Variants in PHF20 observed in about 807,000 individuals in gnomAD.
PHF20 encodes the protein glioma-expressed antigen 2.
In PHF20, 23 loss-of-function variants were observed where a neutral mutation model predicts 113.5. That is an observed-to-expected ratio of 0.20 (90% CI 0.15 to 0.29). The LOEUF is 0.29. Ranked by LOEUF, PHF20 falls within the 10% of genes least tolerant of loss-of-function variation. The probability of loss-of-function intolerance (pLI) is 1.00; values close to 1 mark genes in which losing one functional copy is unlikely to be tolerated. For synonymous variants in PHF20, 434 were observed against 457.3 expected, an observed-to-expected ratio of 0.95 and a Z score of 0.65; for missense variants, 943 against 1,219.6, an observed-to-expected ratio of 0.77 and a Z score of 3.38.
intron 16 of PHF20, among the ~76,000 whole-genome samples, chr20:35,940,494 G>A (rs558221913): frequency 5.9e-5 from 9 of 151,858 alleles, no homozygotes; most frequent in Non-Finnish European, 1.2e-4. Flanking sequence ...ATTCGCAGGA[G>A]ATGGAGCTGA....
At chr20:35,832,912 G>A (rs114123020) in intron 2 of PHF20, among the ~76,000 whole-genome samples, 15 of 152,054 alleles carry the variant, frequency 9.9e-5, no homozygotes, top group Admixed American at 2.6e-4. Context: ...TTAGCTGGGC[G>A]TGGTGGTGGG....
chr20:35,891,743 T>C (rs2054866955), intron 9 of PHF20, among the ~76,000 whole-genome samples: 1 of 152,200 alleles, frequency 6.6e-6, no homozygotes, highest in South Asian at 2.1e-4. Context: ...ATTTTTCATG[T>C]CTCTAAATAT....
At chr20:35,819,970 G>T (rs1403293732) in intron 2 of PHF20, among the ~76,000 whole-genome samples, 1 of 151,588 alleles carries the variant, frequency 6.6e-6, no homozygotes, top group Non-Finnish European at 1.5e-5. Flanking sequence ...CTATGAAGGG[G>T]GTACTTTTAT....
At chr20:35,870,772 G>A (rs1243902215) in intron 7 of PHF20, among the ~76,000 whole-genome samples, 183 bp from the exon 8 acceptor site, 1 of 152,098 alleles carries the variant, frequency 6.6e-6, no homozygotes, top group African/African-American at 2.4e-5. Flanking sequence ...TATCCTGGCA[G>A]GGACACTTTT....
intron 2 of PHF20, among the ~76,000 whole-genome samples, chr20:35,828,796 G>A (rs971555811): frequency 2.0e-5 from 3 of 152,152 alleles, no homozygotes; most frequent in African/African-American, 7.2e-5. Flanking sequence ...AAAACATGAG[G>A]ACTGGCACCT....
intron 1 of PHF20, among the ~76,000 whole-genome samples, chr20:35,780,541 TTTTTC>T (rs1359012621): frequency 2.5e-5 from 3 of 118,238 alleles, no homozygotes; most frequent in African/African-American, 9.6e-5. Context: ...TTTTTTCTTT[TTTTTC>T]TTTTCTTTTT....
intron 3 of PHF20, 99 bp from the exon 4 acceptor site, chr20:35,847,251 T>C: frequency 1.4e-6 from 1 of 731,614 alleles, no homozygotes. Context: ...TCACACTTTC[T>C]TATCAATCCC....
In PHF20 at chr20:35,863,128, A is replaced by G. The variant is rs2054246796; in HGVS notation, c.536A>G (p.Asp179Gly). Reference sequence around the variant, plus strand: ...AAAGCAACAGTGAATGTGAAGAAAGACAAAGAAGATAAACCCTTAAAGACA... The same window carrying G: ...AAAGCAACAGTGAATGTGAAGAAAGGCAAAGAAGATAAACCCTTAAAGACA... ...QRKATVNVKK[D>G]KEDKPLKTEK... is the part of the protein sequence containing the mutation. Residue 179 changes from aspartate to glycine, a missense_variant, in exon 6 of 18, where the codon GAC becomes GGC. Physicochemically the swap from Asp to Gly is moderately conservative, Grantham distance 94. This residue lies in a region of PHF20 where 592 missense variants were observed against 787.2 expected (regional missense o/e 0.75). Coordinates refer to ENST00000374012, the MANE Select transcript of PHF20 (RefSeq NM_016436.5). 2 of 1,613,886 alleles carry G rather than the reference A, an allele frequency of 1.2e-6. No individual in the cohort carries two copies. Among genetic ancestry groups the G allele is most frequent in the Non-Finnish European group, 8.5e-7 (1 of 1,179,972 alleles).
Position 35,914,079 on chromosome 20 carries a change from T to C in PHF20, c.1707T>C (p.Ser569=), listed in dbSNP as rs2055356917. The C allele has an allele frequency of 6.2e-7, 1 of 1,614,172 alleles. No homozygotes were observed. The highest frequency in any genetic ancestry group is 8.5e-7 in the Non-Finnish European group (1 of 1,180,020). Residue 569 remains serine, a synonymous_variant, in exon 12 of 18, where the codon TCT becomes TCC. Coordinates refer to ENST00000374012, the MANE Select transcript of PHF20 (RefSeq NM_016436.5). ...EEISDTSQEP[S]PPKAFAVTRC... is the part of the protein sequence containing the mutation. ...TCAGTGACACCTCCCAGGAACCTTC[T>C]CCACCCAAGGCATTTGCTGTTACCA... is the stretch of plus-strand genomic sequence containing the variant.
At chr20:35,865,822 G>A (rs748333410) in intron 6 of PHF20, among the ~76,000 whole-genome samples, 1 of 152,104 alleles carries the variant, frequency 6.6e-6, no homozygotes, top group Non-Finnish European at 1.5e-5. Context: ...ACCCTCTTAT[G>A]TGATGAGTAA....
At chr20:35,772,282 C>G (rs949400007) in intron 1 of PHF20, among the ~76,000 whole-genome samples, 2 of 151,664 alleles carry the variant, frequency 1.3e-5, no homozygotes, top group Non-Finnish European at 3.0e-5. Flanking sequence ...GGCGTGCGAG[C>G]GGTGCCCAAT....
At chr20:35,935,765 G>T (rs1221484503) in intron 15 of PHF20, among the ~76,000 whole-genome samples, 1 of 152,198 alleles carries the variant, frequency 6.6e-6, no homozygotes, top group Admixed American at 6.5e-5. Context: ...TCAGAAGAGG[G>T]CATAGGAAGA....
chr20:35,809,262 A>AT (rs1481188348), intron 2 of PHF20, among the ~76,000 whole-genome samples: 1 of 151,392 alleles, frequency 6.6e-6, no homozygotes, highest in Non-Finnish European at 1.5e-5. Flanking sequence ...GAAAAAAAAA[A>AT]CAAAGTTTCA....
rs148767269 is a variant in PHF20, at chr20:35,790,432, C to A, written c.-32-11059C>A. Among the ~76,000 whole-genome samples the A allele has an allele frequency of 9.6e-3, 1,466 of 151,946 alleles. 16 individuals are homozygous for A. The highest frequency in any genetic ancestry group is 0.04 in the East Asian group (206 of 5,156). ...ACAAGGCTGGTCTCAAACTCCTGACCTCAGGTGATCCGCCTGCCTCAGCCT... is the reference window on the plus strand; with the variant it reads ...ACAAGGCTGGTCTCAAACTCCTGACATCAGGTGATCCGCCTGCCTCAGCCT... On this transcript the variant is annotated intron_variant, in intron 1 of 17. Transcript: ENST00000374012.
chr20:35,934,280 A>C (rs2055821613), intron 15 of PHF20, among the ~76,000 whole-genome samples: 1 of 152,150 alleles, frequency 6.6e-6, no homozygotes, highest in Admixed American at 6.5e-5. Flanking sequence ...TGGAGGAGGG[A>C]ACATTGGGTC....
chr20:35,894,500 C>T (rs1294354037), intron 9 of PHF20, among the ~76,000 whole-genome samples: 2 of 152,210 alleles, frequency 1.3e-5, no homozygotes. Flanking sequence ...CTATACCATA[C>T]TGCCTCTGGC....
intron 4 of PHF20, among the ~76,000 whole-genome samples, chr20:35,851,490 G>A (rs961427477): frequency 6.6e-6 from 1 of 152,166 alleles, no homozygotes; most frequent in Admixed American, 6.5e-5. Flanking sequence ...TTTGTAGAAA[G>A]AGAAAAGGAA....
rs2055362205 is a variant in PHF20, at chr20:35,914,340, G to A, written c.1825+143G>A. The A allele has an allele frequency of 8.3e-6, 7 of 841,610 alleles. No individual in the cohort carries two copies. In the South Asian group the frequency reaches 1.3e-4, roughly 16 times the overall value. The allele number at this position is 841,610 out of a possible 1,614,324, so 52.1% of individuals were successfully genotyped here. ...CAGACATAATTTTTATTTTCCCAGT[G>A]TTTACAAAACTTATGTTTATACTAT... On this transcript the variant is annotated intron_variant, in intron 12 of 17. Coordinates refer to ENST00000374012, the MANE Select transcript of PHF20 (RefSeq NM_016436.5).
At chr20:35,911,856 G>A (rs111853813) in intron 10 of PHF20, among the ~76,000 whole-genome samples, 1,707 of 151,764 alleles carry the variant, frequency 0.011, 23 homozygotes, top group African/African-American at 0.038. Context: ...ACGGGGTTTT[G>A]CCATGTGGGC....
Sources: allele counts gnomAD v4.1 joint callset (sites outside exome capture counted in the v4.1 genomes callset), GRCh38; gene constraint gnomAD v4.1.1; regional missense constraint gnomAD v4.1.1; transcripts MANE v1.5; gene names NCBI Gene and HGNC (gene_info 2026-07-23, HGNC 2026-07-21).